Variants in SCFD2 observed in about 807,000 individuals in gnomAD.
SCFD2 encodes the protein sec1 family domain containing 2.
SCFD2 carries 54 observed loss-of-function variants against 58.9 expected under a neutral mutation model. That is an observed-to-expected ratio of 0.92 (90% CI 0.74 to 1.15). SCFD2 has a LOEUF of 1.15. Among genes scored for constraint, SCFD2 ranks in the 50% most tolerant of loss-of-function variants. The pLI is 0.00. For missense variants in SCFD2, 805 were observed against 836.6 expected, an observed-to-expected ratio of 0.96 and a Z score of 0.47; for synonymous variants, 321 against 335.9, an observed-to-expected ratio of 0.96 and a Z score of 0.49.
chr4:53,137,638 T>C (rs1163264463), intron 5 of SCFD2, among the ~76,000 whole-genome samples: 1 of 152,226 alleles, frequency 6.6e-6, no homozygotes, highest in Non-Finnish European at 1.5e-5. Context: ...GAGTTATTCA[T>C]TCTCTAGCTT....
chr4:53,070,848 C>G (rs1577703327), intron 5 of SCFD2, among the ~76,000 whole-genome samples: 1 of 152,062 alleles, frequency 6.6e-6, no homozygotes, highest in East Asian at 1.9e-4. Context: ...TTCCTTTTCT[C>G]TCTATAAAAA....
intron 5 of SCFD2, among the ~76,000 whole-genome samples, chr4:52,960,367 TC>T (rs1356922289): frequency 6.4e-5 from 8 of 125,806 alleles, no homozygotes; most frequent in African/African-American, 2.0e-4. Flanking sequence ...ATCTTCTTCT[TC>T]TTTTTTTTTT....
chr4:53,265,620 G>T (rs1283673476), intron 4 of SCFD2: 1 of 152,106 alleles, frequency 6.6e-6, no homozygotes, highest in Non-Finnish European at 1.5e-5. Context: ...TGACAAAAAG[G>T]TCAGTTGTTT....
rs183786918 is a variant in SCFD2, at chr4:52,887,688, G to C, written c.1843-1822C>G. On this transcript the variant is annotated intron_variant, in intron 7 of 8. Transcript: ENST00000401642. ...ACCAAAGCCAGAAGGTGGGCAACAG[G>C]CTTCACCTCCAGCAAGGAGAGAGGG... Among the ~76,000 whole-genome samples, 276 of 152,250 alleles carry C rather than the reference G, an allele frequency of 1.8e-3. 2 individuals are homozygous for C. Among genetic ancestry groups the C allele is most frequent in the African/African-American group, 6.4e-3 (267 of 41,544 alleles).
rs1286726587 is a variant in SCFD2 at position 53,250,952 on chromosome 4, A to T, written c.1311+22874T>A. 6.6e-5 allele frequency among the ~76,000 whole-genome samples: 10 copies of T among 152,372 alleles called. No individual in the cohort carries two copies. In the East Asian group the frequency reaches 1.9e-3, roughly 29 times the overall value. On this transcript the variant is annotated intron_variant, in intron 4 of 8. Coordinates refer to ENST00000401642, the MANE Select transcript of SCFD2 (RefSeq NM_152540.4). ...AACCCTTCAAAAAATCAATAAATCC[A>T]GGAGCTGGTTTTTTGAAAAGATCAA...
At chr4:53,258,581 C>CA (rs1730732399) in intron 4 of SCFD2, among the ~76,000 whole-genome samples, 2 of 117,616 alleles carry the variant, frequency 1.7e-5, no homozygotes, top group Admixed American at 1.6e-4. Context: ...TATATATACA[C>CA]ACACATATAT....
At chr4:53,045,838 A>T (rs1275744640) in intron 5 of SCFD2, among the ~76,000 whole-genome samples, 1 of 152,214 alleles carries the variant, frequency 6.6e-6, no homozygotes. Context: ...AAAAATTTTA[A>T]CATGCCATAA....
chr4:53,346,340 T>C (rs1560459401), intron 2 of SCFD2, among the ~76,000 whole-genome samples: 1 of 150,654 alleles, frequency 6.6e-6, no homozygotes, highest in Non-Finnish European at 1.5e-5. Context: ...AATGGCGCGA[T>C]CTCTGCTCAC....
At position 53,129,070 on chromosome 4, in the gene SCFD2, A is replaced by T. The variant is rs200968004; in HGVS notation, c.1561+16263T>A. On this transcript the variant is annotated intron_variant, in intron 5 of 8. Coordinates refer to ENST00000401642, the MANE Select transcript of SCFD2 (RefSeq NM_152540.4). The stretch of plus-strand genomic sequence containing the variant: ...AATTTGGCTTTAAAAAAGCTTCAAA[A>T]ATTAAAACTCTAAAGCATTTTGCAT... 2.0e-5 allele frequency among the ~76,000 whole-genome samples: 3 copies of T among 152,352 alleles called. No homozygotes were observed. In the East Asian group the frequency reaches 5.8e-4, roughly 29 times the overall value.
At chr4:52,989,459 G>A (rs1034055664) in intron 5 of SCFD2, among the ~76,000 whole-genome samples, 1 of 152,170 alleles carries the variant, frequency 6.6e-6, no homozygotes, top group African/African-American at 2.4e-5. Context: ...TATTTGAAAT[G>A]TGATAGCTTA....
chr4:52,978,550 T>C (rs1249121315), intron 5 of SCFD2, among the ~76,000 whole-genome samples: 1 of 152,222 alleles, frequency 6.6e-6, no homozygotes, highest in Non-Finnish European at 1.5e-5. Flanking sequence ...TAGTTATTAC[T>C]GTTATTATAA....
chr4:53,244,268 A>C (rs1191205924), intron 4 of SCFD2, among the ~76,000 whole-genome samples: 1 of 152,172 alleles, frequency 6.6e-6, no homozygotes, highest in East Asian at 1.9e-4. Flanking sequence ...TCTCCACCCC[A>C]AAACAACAGG....
At chr4:53,092,378 T>C (rs1186611152) in intron 5 of SCFD2, among the ~76,000 whole-genome samples, 3 of 152,160 alleles carry the variant, frequency 2.0e-5, no homozygotes, top group Non-Finnish European at 4.4e-5. Flanking sequence ...TGAAAAACAG[T>C]TGGGCAATTT....
intron 3 of SCFD2, among the ~76,000 whole-genome samples, chr4:53,291,560 T>G (rs1281572726): frequency 6.6e-6 from 1 of 152,066 alleles, no homozygotes; most frequent in Non-Finnish European, 1.5e-5. Flanking sequence ...CAAAGTAATC[T>G]ATAGATTCAA....
At chr4:53,133,468 A>T (rs559671223) in intron 5 of SCFD2, among the ~76,000 whole-genome samples, 1 of 152,348 alleles carries the variant, frequency 6.6e-6, no homozygotes, top group African/African-American at 2.4e-5. Context: ...CTTCTCAAAC[A>T]TAATAAACAA....
At chr4:53,363,606 G>T (rs911605831) in intron 1 of SCFD2, among the ~76,000 whole-genome samples, 3 of 152,064 alleles carry the variant, frequency 2.0e-5, no homozygotes, top group Admixed American at 1.3e-4. Context: ...GGCCGAGGCG[G>T]GTGGATCACG....
intron 4 of SCFD2, among the ~76,000 whole-genome samples, chr4:53,231,022 T>G (rs1729420471): frequency 6.6e-6 from 1 of 152,126 alleles, no homozygotes; most frequent in African/African-American, 2.4e-5. Context: ...AGTATGGGTA[T>G]AGTTGTGCCA....
In SCFD2 at chr4:53,031,620, C is replaced by T. The variant is rs568781456; in HGVS notation, c.1562-110750G>A. Among the ~76,000 whole-genome samples, 14 of 152,162 alleles carry T rather than the reference C, an allele frequency of 9.2e-5. No homozygotes were observed. The South Asian group carries it at 1.0e-3, about 11-fold the overall frequency. ...CCTGATGTAGATGAAAAACACAGCA[C>T]GAGAACTTCATGAACCATACACAAG... On this transcript the variant is annotated intron_variant, in intron 5 of 8. Coordinates refer to ENST00000401642, the MANE Select transcript of SCFD2 (RefSeq NM_152540.4).
chr4:53,353,124 A>C (rs1483528981), intron 1 of SCFD2, among the ~76,000 whole-genome samples: 1 of 152,082 alleles, frequency 6.6e-6, no homozygotes, highest in East Asian at 1.9e-4. Flanking sequence ...GTGTGTCCGG[A>C]GTTTGTTCCT....
Sources: allele counts gnomAD v4.1 joint callset (sites outside exome capture counted in the v4.1 genomes callset), GRCh38; gene constraint gnomAD v4.1.1; transcripts MANE v1.5; gene names NCBI Gene and HGNC (gene_info 2026-07-23, HGNC 2026-07-21).